The following PRLR variants were observed in gnomAD, a reference collection of about 807,000 sequenced individuals.
PRLR encodes the protein prolactin receptor, also known as hPRL receptor.
Under a neutral mutation model 40.2 loss-of-function variants are expected in PRLR, and 13 were observed. The ratio of observed to expected loss-of-function variants is 0.32; its 90% CI spans 0.21 to 0.51. The LOEUF (loss-of-function observed/expected upper bound fraction) is 0.51, where lower values mean the gene tolerates loss of function less well. Among genes scored for constraint, PRLR ranks in the 20% least tolerant of loss-of-function variants. The pLI is 0.97. For missense variants in PRLR, 656 were observed against 747.3 expected, an observed-to-expected ratio of 0.88 and a Z score of 1.42; for synonymous variants, 269 against 278.7, an observed-to-expected ratio of 0.97 and a Z score of 0.35.
chr5:35,070,398 G>A (rs138311481), intron 6 of PRLR, 133 bp from the exon 7 acceptor site: 28 of 948,490 alleles, frequency 3.0e-5, no homozygotes, highest in Non-Finnish European at 4.2e-5. Flanking sequence ...CTACTCCACT[G>A]TCTTAGCCCT....
At chr5:35,162,268 A>ATTT (rs1774695602) in intron 1 of PRLR, among the ~76,000 whole-genome samples, 1 of 152,226 alleles carries the variant, frequency 6.6e-6, no homozygotes, top group African/African-American at 2.4e-5. Context: ...GTAAACTTCA[A>ATTT]TGTGATTTCA....
At chr5:35,191,280 C>T (rs1250813570) in intron 1 of PRLR, among the ~76,000 whole-genome samples, 3 of 92,612 alleles carry the variant, frequency 3.2e-5, no homozygotes, top group Admixed American at 1.1e-4. Flanking sequence ...CCGTTTTAGC[C>T]GGGATGGTCT....
chr5:35,073,738 G>A (rs185482324), intron 5 of PRLR, among the ~76,000 whole-genome samples: 3 of 152,278 alleles, frequency 2.0e-5, no homozygotes, highest in Non-Finnish European at 1.5e-5. Flanking sequence ...TGAGTGAAGT[G>A]CATAGGATAC....
At chr5:35,109,755 T>A (rs968795637) in intron 2 of PRLR, among the ~76,000 whole-genome samples, 7 of 152,186 alleles carry the variant, frequency 4.6e-5, no homozygotes, top group Admixed American at 2.0e-4. Context: ...AGGAACACTT[T>A]TACACTATTG....
At chr5:35,070,030 C>A in intron 7 of PRLR, 94 bp downstream of exon 7, 2 of 1,401,538 alleles carry the variant, frequency 1.4e-6, no homozygotes, top group South Asian at 1.4e-5. Context: ...CTGGCTAAGG[C>A]TCAAAATGGT....
In PRLR at chr5:35,065,841, T is replaced by A; in HGVS notation, c.1117A>T (p.Thr373Ser). 1 of 1,614,090 alleles carries A rather than the reference T, an allele frequency of 6.2e-7. No homozygotes were observed. Among genetic ancestry groups the A allele is most frequent in the Non-Finnish European group, 8.5e-7 (1 of 1,180,002 alleles). ...KCEEPQANPS[T>S]FYDPEVIEKP... ...TCAATGACCTCAGGATCATAGAATG[T>A]GGAGGGATTGGCCTGGGGTTCCTCA... is the stretch of plus-strand genomic sequence containing the variant. Residue 373 changes from threonine (T) to serine (S), a missense_variant, in exon 10 of 10, where the codon ACA (threonine) becomes TCA (serine). By Grantham distance (58) the Thr-to-Ser change is moderately conservative. This residue lies in a region of PRLR where 469 missense variants were observed against 491.5 expected (regional missense o/e 0.95). Coordinates refer to ENST00000618457, the MANE Select transcript of PRLR (RefSeq NM_000949.7).
intron 1 of PRLR, among the ~76,000 whole-genome samples, chr5:35,191,823 G>A (rs1199177545): frequency 2.0e-5 from 3 of 152,160 alleles, no homozygotes; most frequent in African/African-American, 7.2e-5. Context: ...TTCTCCCTAG[G>A]CTGCACCCTT....
At chr5:35,131,545 C>T (rs1189231194) in intron 1 of PRLR, among the ~76,000 whole-genome samples, 1 of 152,192 alleles carries the variant, frequency 6.6e-6, no homozygotes, top group African/African-American at 2.4e-5. Context: ...CTAGCAACCT[C>T]AGCCTGGCAA....
intron 1 of PRLR, among the ~76,000 whole-genome samples, chr5:35,124,969 A>G (rs1401304349): frequency 6.6e-6 from 1 of 152,208 alleles, no homozygotes; most frequent in African/African-American, 2.4e-5. Context: ...AAAAGTTAGA[A>G]GTTTTATTAT....
Position 35,065,647 on chromosome 5 carries a change from ACACACAT to A in PRLR, c.1304_1310del (p.Asp435ValfsTer15). On this transcript the variant is annotated frameshift_variant, in exon 10 of 10. Transcript: ENST00000618457. LOFTEE classifies it low-confidence loss of function (END_TRUNC). ...CACCTGCAGGGCCCACAGCCAGCTC[ACACACAT>A]CAGTAATATTGTGGTAAGAGGATCT... 1 of 1,614,168 alleles carries A rather than the reference ACACACAT, an allele frequency of 6.2e-7. No individual in the cohort carries two copies. The highest frequency in any genetic ancestry group is 8.5e-7 in the Non-Finnish European group (1 of 1,180,038).
chr5:35,089,584 G>A lies in PRLR; in HGVS notation c.37C>T (p.Leu13=), dbSNP rs775568148. 1 of 1,613,980 alleles carries A rather than the reference G, an allele frequency of 6.2e-7. No homozygotes were observed. Among genetic ancestry groups the A allele is most frequent in the South Asian group, 1.1e-5 (1 of 91,072 alleles). Residue 13 remains leucine (L), a synonymous_variant, in exon 3 of 10, where the codon CTG becomes TTG. Transcript: ENST00000618457. The part of the protein sequence containing the change: ...ENVASATVFT[L]LLFLNTCLLN... ...AGGCAGGTGTTGAGAAAAAGTAGCA[G>A]AGTGAAAACGGTTGCAGATGCCACA...
At chr5:35,172,734 T>C (rs1350776473) in intron 1 of PRLR, among the ~76,000 whole-genome samples, 1 of 152,178 alleles carries the variant, frequency 6.6e-6, no homozygotes, top group African/African-American at 2.4e-5. Flanking sequence ...CTCCCTGTCC[T>C]CCCACCAGGC....
intron 2 of PRLR, among the ~76,000 whole-genome samples, chr5:35,094,510 A>T (rs1389991291): frequency 1.3e-5 from 2 of 152,096 alleles, no homozygotes; most frequent in African/African-American, 4.8e-5. Flanking sequence ...GATTGATCAA[A>T]ACTCGAATGG....
chr5:35,078,263 G>A (rs1020091039), intron 5 of PRLR, among the ~76,000 whole-genome samples: 4 of 152,052 alleles, frequency 2.6e-5, no homozygotes, highest in African/African-American at 9.7e-5. Flanking sequence ...AGTGAATCCA[G>A]GAGCGGTTTT....
Position 35,218,486 on chromosome 5 carries a change from C to G in PRLR, c.-106+11782G>C, listed in dbSNP as rs114924087. Among the ~76,000 whole-genome samples the G allele has an allele frequency of 3.9e-3, 595 of 152,290 alleles. 5 individuals are homozygous for G. The highest frequency in any genetic ancestry group is 0.014 in the African/African-American group (568 of 41,566). ...TAGCCATTGCTGAATAGTTCACTTA[C>G]TTAAGTTAAAATCTTAATGCATTTC... On this transcript the variant is annotated intron_variant, in intron 1 of 9. Transcript: ENST00000618457.
At chr5:35,050,977 A>G (rs1245878837), downstream of PRLR, among the ~76,000 whole-genome samples, 1 of 152,218 alleles carries the variant, frequency 6.6e-6, no homozygotes, top group Non-Finnish European at 1.5e-5. Flanking sequence ...GTGTAAGAAG[A>G]GAATAACTGC....
intron 1 of PRLR, among the ~76,000 whole-genome samples, chr5:35,160,688 T>C (rs114910558): frequency 1.3e-5 from 2 of 152,206 alleles, no homozygotes; most frequent in African/African-American, 2.4e-5. Context: ...GTTTTTTGCA[T>C]GTCTGACATG....
At chr5:35,172,189 C>T (rs910675778) in intron 1 of PRLR, among the ~76,000 whole-genome samples, 6 of 152,180 alleles carry the variant, frequency 3.9e-5, no homozygotes, top group Admixed American at 2.0e-4. Flanking sequence ...TCAGTCTGTA[C>T]TACAGTGACT....
chr5:35,128,438 G>A (rs1043353996), intron 1 of PRLR, among the ~76,000 whole-genome samples: 4 of 151,540 alleles, frequency 2.6e-5, no homozygotes, highest in Admixed American at 2.6e-4. Context: ...TGAATACAAT[G>A]CGAATACTAT....
Sources: allele counts gnomAD v4.1 joint callset (sites outside exome capture counted in the v4.1 genomes callset), GRCh38; gene constraint gnomAD v4.1.1; regional missense constraint gnomAD v4.1.1; transcripts MANE v1.5; gene names NCBI Gene and HGNC (gene_info 2026-07-23, HGNC 2026-07-21).